The following KDM5A variants were observed in gnomAD, a reference collection of about 807,000 sequenced individuals.
The protein encoded by KDM5A is lysine demethylase 5A.
Under a neutral mutation model 193.5 loss-of-function variants are expected in KDM5A, and 42 were observed. That is an observed-to-expected ratio of 0.22 (90% CI 0.17 to 0.28). The LOEUF (loss-of-function observed/expected upper bound fraction) is 0.28. KDM5A is among the 10% of genes least tolerant of loss of function. KDM5A has a pLI of 1.00. For synonymous variants in KDM5A, 796 were observed against 718.1 expected (o/e 1.11, Z -1.73); for missense variants, 1,692 against 2,055.1 (o/e 0.82, Z 3.42).
At chr12:377,765 C>G (rs1944525461) in intron 3 of KDM5A, among the ~76,000 whole-genome samples, 1 of 151,932 alleles carries the variant, frequency 6.6e-6, no homozygotes, top group Non-Finnish European at 1.5e-5. Context: ...AGACTTACAA[C>G]AAGGAAAAGA....
At chr12:361,709 C>G (rs547020604) in intron 5 of KDM5A, among the ~76,000 whole-genome samples, 40 of 152,130 alleles carry the variant, frequency 2.6e-4, no homozygotes, top group Non-Finnish European at 4.3e-4. Context: ...ATGATCAGAA[C>G]TTCTGAGACC....
At chr12:314,155 C>A (rs1050851435) in intron 19 of KDM5A, among the ~76,000 whole-genome samples, 6 of 152,064 alleles carry the variant, frequency 3.9e-5, no homozygotes, top group African/African-American at 1.4e-4. Context: ...GTTCTAGGTC[C>A]TGGAAATTGC....
chr12:307,409 G>A lies in KDM5A; in HGVS notation c.3930+45C>T, dbSNP rs755317988. 7 of 1,562,520 alleles carry A rather than the reference G, an allele frequency of 4.5e-6. No homozygotes were observed. The highest frequency in any genetic ancestry group is 1.1e-5 in the South Asian group (1 of 89,824). Reference sequence around the variant, plus strand: ...AGACTCAATTTACTATTTATACACTGACATATCCCATGAAATAGAAAAAGA... The same window carrying A: ...AGACTCAATTTACTATTTATACACTAACATATCCCATGAAATAGAAAAAGA... On this transcript the variant is annotated intron_variant, in intron 23 of 27. Coordinates refer to ENST00000399788, the MANE Select transcript of KDM5A (RefSeq NM_001042603.3). This position sits in a 1 kb window ranked among gnomAD's most constrained non-coding sequence, Gnocchi z 4.3.
intron 18 of KDM5A, among the ~76,000 whole-genome samples, chr12:320,381 A>G (rs1445479140): frequency 6.6e-6 from 1 of 152,126 alleles, no homozygotes; most frequent in African/African-American, 2.4e-5. Flanking sequence ...CTCCAATCCC[A>G]GCTACTCGGG....
chr12:323,040 A>G, intron 16 of KDM5A, 42 bp downstream of exon 16: 2 of 1,612,328 alleles, frequency 1.2e-6, no homozygotes, highest in Non-Finnish European at 1.7e-6. Context: ...TTTTAAAGTG[A>G]CAATCAATTC....
intron 1 of KDM5A, chr12:388,241 T>C: frequency 2.2e-6 from 1 of 455,176 alleles, no homozygotes; most frequent in South Asian, 1.6e-5. Context: ...ACCTCAAAGG[T>C]GAGATTATAA....
At chr12:293,765 C>A (rs1177150482) in intron 26 of KDM5A, among the ~76,000 whole-genome samples, 1 of 107,952 alleles carries the variant, frequency 9.3e-6, no homozygotes, top group African/African-American at 3.9e-5. Context: ...AGCAACAGAG[C>A]AAGACTCCAT....
rs946005963 is a variant in KDM5A, at chr12:364,904, G to A, written c.537+1030C>T. Among the ~76,000 whole-genome samples the A allele has an allele frequency of 5.3e-5, 8 of 151,984 alleles. No homozygotes were observed. The East Asian group carries it at 1.5e-3, about 29-fold the overall frequency. ...TATGTCCACTCAAAGACTTGTCTAT[G>A]AATATTCATAGCATTATTCATAATA... On this transcript the variant is annotated intron_variant, in intron 4 of 27. Transcript: ENST00000399788.
At chr12:319,613 G>A (rs10848715) in intron 18 of KDM5A, among the ~76,000 whole-genome samples, 44,904 of 151,870 alleles carry the variant, frequency 0.3, 6,856 homozygotes, top group East Asian at 0.51. Context: ...TTAGCCAGGC[G>A]TGGTGGTGTG....
intron 10 of KDM5A, among the ~76,000 whole-genome samples, chr12:344,311 G>C (rs1473520389): frequency 1.3e-5 from 2 of 152,182 alleles, no homozygotes; most frequent in African/African-American, 4.8e-5. Context: ...TAAAGTGATG[G>C]GGAGGATGAA....
chr12:286,488 G>A (rs1037307474), intron 27 of KDM5A, among the ~76,000 whole-genome samples: 5 of 152,202 alleles, frequency 3.3e-5, no homozygotes, highest in African/African-American at 1.2e-4. Context: ...AGTTTTTACA[G>A]CTAATGTCAT....
rs368604945 is a variant in KDM5A at position 295,647 on chromosome 12, C to T, written c.4381G>A (p.Glu1461Lys). The change falls in exon 26 of 28, where the codon GAG becomes AAG. Residue 1461 changes from glutamate to lysine, a missense_variant. Physicochemically the swap from Glu to Lys is moderately conservative, Grantham distance 56. Transcript: ENST00000399788. ...AAAATCCGCCATATGTGTTGAGTCT[C>T]GTCCAGAGATACTTCCAGGAGATCT... ...VGDLLEVSLD[E>K]TQHIWRILQA... The T allele has an allele frequency of 3.1e-6, 5 of 1,613,942 alleles. No individual in the cohort carries two copies. Among genetic ancestry groups the T allele is most frequent in the East Asian group, 2.2e-5 (1 of 44,886 alleles).
At chr12:305,865 T>A (rs1206138076) in intron 24 of KDM5A, among the ~76,000 whole-genome samples, 1 of 152,072 alleles carries the variant, frequency 6.6e-6, no homozygotes, top group Non-Finnish European at 1.5e-5. Context: ...ACTCAGCAAA[T>A]TCTAACCTGG....
chr12:322,525 C>T lies in KDM5A; in HGVS notation c.2318G>A (p.Arg773Lys). The change falls in exon 17 of 28, where the codon AGG becomes AAG. Residue 773 changes from arginine to lysine, a missense_variant. Physicochemically the swap from Arg to Lys is conservative, Grantham distance 26. This residue lies in a region of KDM5A where 965 missense variants were observed against 1,061.0 expected (regional missense o/e 0.91). Transcript: ENST00000399788. The part of the protein sequence containing the change: ...LRVMLEDAED[R>K]KYPENDLFRK... ...AAAGAGATCATTCTCTGGGTATTTC[C>T]TATCCTCAGCATCTTCCAGCATTAC... The T allele has an allele frequency of 1.9e-6, 3 of 1,613,126 alleles. No individual in the cohort carries two copies. Among genetic ancestry groups the T allele is most frequent in the Non-Finnish European group, 2.5e-6 (3 of 1,179,416 alleles).
Position 357,827 on chromosome 12 carries a change from C to CAAAAAA in KDM5A, c.673-1296_673-1291dup, listed in dbSNP as rs61577928. Among the ~76,000 whole-genome samples the CAAAAAA allele has an allele frequency of 6.3e-3, 187 of 29,862 alleles. 43 individuals carry two copies. The highest frequency in any genetic ancestry group is 0.011 in the East Asian group (12 of 1,124). The allele number at this position is 29,862 out of a possible 152,430, so 19.6% of individuals were successfully genotyped here. On this transcript the variant is annotated intron_variant, in intron 5 of 27. Transcript: ENST00000399788. Reference sequence around the variant, plus strand: ...TGGGCGACAGAGCAAGACTCAGTCTCAAAAAAAAAAAAAAAAAAAAAAAAA... The same window carrying CAAAAAA: ...TGGGCGACAGAGCAAGACTCAGTCTCAAAAAAAAAAAAAAAAAAAAAAAAAAAAAAA...
At chr12:320,712 C>T (rs1943706940) in intron 18 of KDM5A, among the ~76,000 whole-genome samples, 1 of 152,100 alleles carries the variant, frequency 6.6e-6, no homozygotes, top group Admixed American at 6.5e-5. Context: ...TAACTAACTT[C>T]TTGCATTTCA....
At chr12:375,010 T>G (rs145698350) in intron 3 of KDM5A, among the ~76,000 whole-genome samples, 2,665 of 152,262 alleles carry the variant, frequency 0.018, 107 homozygotes, top group South Asian at 0.16. Flanking sequence ...CCCTTAACAT[T>G]TTTTCCTTCA....
chr12:288,471 T>G (rs1046974234), intron 27 of KDM5A, among the ~76,000 whole-genome samples: 5 of 152,184 alleles, frequency 3.3e-5, no homozygotes, highest in African/African-American at 1.2e-4. Context: ...AGAAATATAT[T>G]AAAAAGAGGA....
intron 26 of KDM5A, among the ~76,000 whole-genome samples, chr12:293,657 T>C (rs1041694353): frequency 1.3e-4 from 20 of 151,654 alleles, no homozygotes; most frequent in African/African-American, 4.8e-4. Context: ...TGCATGCCTG[T>C]AGTCCCAGCT....
Sources: allele counts gnomAD v4.1 joint callset (sites outside exome capture counted in the v4.1 genomes callset), GRCh38; gene constraint gnomAD v4.1.1; regional missense constraint gnomAD v4.1.1; non-coding constraint Gnocchi (gnomAD v3.1); transcripts MANE v1.5; gene names NCBI Gene and HGNC (gene_info 2026-07-23, HGNC 2026-07-21).